Variants in ARMC9 observed in about 807,000 individuals in gnomAD.
ARMC9 encodes the protein armadillo repeat containing 9, also known as lisH domain-containing protein ARMC9.
ARMC9 carries 94 observed loss-of-function variants against 107.0 expected under a neutral mutation model. That is an observed-to-expected ratio of 0.88 (90% confidence interval 0.74 to 1.04). ARMC9 has a LOEUF of 1.04. Among genes scored for constraint, ARMC9 ranks in the 50% least tolerant of loss-of-function variants. The pLI, the probability that ARMC9 is intolerant of heterozygous loss-of-function variation, is 0.00. For synonymous variants in ARMC9, 380 were observed against 396.9 expected (o/e 0.96, Z 0.51); for missense variants, 942 against 1,030.1 (o/e 0.91, Z 1.17).
intron 19 of ARMC9, among the ~76,000 whole-genome samples, chr2:231,303,304 A>G (rs193012344): frequency 1.3e-5 from 2 of 152,334 alleles, no homozygotes; most frequent in East Asian, 3.9e-4. Flanking sequence ...TCATCTGTGA[A>G]TAGAGATCAT....
rs962299443 is a variant in ARMC9, at chr2:231,255,545, T to G, written c.880-1041T>G. 2.0e-5 allele frequency among the ~76,000 whole-genome samples: 3 copies of G among 151,714 alleles called. No individual in the cohort carries two copies. Among genetic ancestry groups the G allele is most frequent in the Non-Finnish European group, 4.4e-5 (3 of 67,980 alleles). On this transcript the variant is annotated intron_variant, in intron 9 of 24. Transcript: ENST00000611582. The surrounding 1 kb of genome is among the most constrained non-coding windows in gnomAD (Gnocchi z 4.7). ...ATTTTTTTTTGTTTGGTTGTTTTTG[T>G]TTTTTTTCTAAAGAAAATAAAGGAA...
intron 20 of ARMC9, among the ~76,000 whole-genome samples, chr2:231,342,955 C>T (rs1182262913): frequency 1.3e-5 from 2 of 151,864 alleles, no homozygotes; most frequent in African/African-American, 2.4e-5. Context: ...CTCTTGTTGC[C>T]CAGGCTGGAG....
chr2:231,371,020 G>T (rs1000448819), intron 24 of ARMC9: 4 of 454,844 alleles, frequency 8.8e-6, no homozygotes, highest in East Asian at 1.4e-4. Flanking sequence ...GCCAGGTTGG[G>T]ACCCCTCCCA....
chr2:231,368,898 C>T (rs1422878382), intron 23 of ARMC9, among the ~76,000 whole-genome samples: 2 of 152,178 alleles, frequency 1.3e-5, no homozygotes, highest in African/African-American at 4.8e-5. Context: ...GCTGGGATTA[C>T]AGGCATGAGC....
intron 23 of ARMC9, among the ~76,000 whole-genome samples, chr2:231,363,088 CAGGGCTGCAGGGA>C (rs1389850583): frequency 6.6e-6 from 1 of 152,078 alleles, no homozygotes; most frequent in Non-Finnish European, 1.5e-5. Flanking sequence ...TCAGGAAGTG[CAGGGCTGCAGGGA>C]GTGTGCAAGG....
chr2:231,270,339 G>A (rs548129346), intron 12 of ARMC9, among the ~76,000 whole-genome samples: 1 of 152,352 alleles, frequency 6.6e-6, no homozygotes, highest in East Asian at 1.9e-4. Context: ...CCAGCCCTGT[G>A]CTGAGAGGTG....
rs144416731 is a variant in ARMC9 at position 231,199,631 on chromosome 2, C to T, written c.-42+933C>T. 9.2e-5 allele frequency among the ~76,000 whole-genome samples: 14 copies of T among 152,310 alleles called. No homozygotes were observed. The East Asian group carries it at 1.9e-3, about 21-fold the overall frequency. On this transcript the variant is annotated intron_variant, in intron 1 of 24. Coordinates refer to ENST00000611582, the MANE Select transcript of ARMC9 (RefSeq NM_001352754.2). ...AACATTTTGCACATTGCCTGGCATA[C>T]CATATACCTTCAATAAATGATACCT...
chr2:231,292,045 G>C (rs2125473796), intron 18 of ARMC9, among the ~76,000 whole-genome samples: 1 of 151,758 alleles, frequency 6.6e-6, no homozygotes, highest in Admixed American at 6.6e-5. Flanking sequence ...GCGCATGCCT[G>C]TAGTCCCAGC....
Position 231,214,815 on chromosome 2 carries a change from G to A in ARMC9, c.178-16G>A, listed in dbSNP as rs778379892. Reference sequence around the variant, plus strand: ...AAATTTACAACGAGGTATGTAGTCTGATGTCTTCTCCACAGAAGGATCTTG... The same window carrying A: ...AAATTTACAACGAGGTATGTAGTCTAATGTCTTCTCCACAGAAGGATCTTG... On this transcript the variant is annotated splice_polypyrimidine_tract_variant and intron_variant, in intron 3 of 24. Transcript: ENST00000611582. The A allele has an allele frequency of 6.2e-6, 10 of 1,612,422 alleles. No individual in the cohort carries two copies. The highest frequency in any genetic ancestry group is 8.5e-6 in the Non-Finnish European group (10 of 1,178,826).
chr2:231,304,089 G>A (rs1228153606), intron 19 of ARMC9, among the ~76,000 whole-genome samples: 2 of 152,134 alleles, frequency 1.3e-5, no homozygotes, highest in East Asian at 1.9e-4. Context: ...AGTTAGCTGG[G>A]TGTGGTGGCG....
intron 17 of ARMC9, among the ~76,000 whole-genome samples, chr2:231,291,099 A>T (rs1393552854): frequency 1.3e-5 from 2 of 152,146 alleles, no homozygotes; most frequent in Non-Finnish European, 2.9e-5. Flanking sequence ...GACCAGTTGG[A>T]CACTTGGCCA....
At chr2:231,305,758 G>GA (rs1366562357) in intron 19 of ARMC9, among the ~76,000 whole-genome samples, 11 of 151,706 alleles carry the variant, frequency 7.3e-5, no homozygotes, top group Non-Finnish European at 1.3e-4. Flanking sequence ...TAGATTTACA[G>GA]AAAAAAAATA....
intron 9 of ARMC9, among the ~76,000 whole-genome samples, chr2:231,243,828 ATG>A (rs1378053536): frequency 6.6e-6 from 1 of 152,238 alleles, no homozygotes; most frequent in Non-Finnish European, 1.5e-5. Context: ...CAGATTTACA[ATG>A]TGTGAAGAAG....
chr2:231,356,360 A>G (rs1019292196), intron 22 of ARMC9, among the ~76,000 whole-genome samples: 6 of 152,228 alleles, frequency 3.9e-5, no homozygotes, highest in East Asian at 1.9e-4. Context: ...CTGGGATCCA[A>G]ACGCCTTTGA....
At chr2:231,222,302 C>T (rs1193764268) in intron 5 of ARMC9, among the ~76,000 whole-genome samples, 2 of 151,982 alleles carry the variant, frequency 1.3e-5, no homozygotes, top group African/African-American at 4.8e-5. Context: ...CTTATCTAGA[C>T]GAGGTTTGTG....
At chr2:231,317,527 G>GTT (rs561804646) in intron 19 of ARMC9, among the ~76,000 whole-genome samples, 1 of 143,356 alleles carries the variant, frequency 7.0e-6, no homozygotes, top group African/African-American at 2.5e-5. Context: ...TTGTTTTGGG[G>GTT]TTTTTTTTTT....
chr2:231,232,942 C>T (rs1453916653), intron 7 of ARMC9, among the ~76,000 whole-genome samples: 1 of 152,134 alleles, frequency 6.6e-6, no homozygotes, highest in Non-Finnish European at 1.5e-5. Flanking sequence ...CCTCCACCTC[C>T]TGGGTTCAAG....
intron 19 of ARMC9, among the ~76,000 whole-genome samples, chr2:231,312,247 C>T (rs115697994): frequency 0.011 from 1,717 of 152,234 alleles, 29 homozygotes; most frequent in African/African-American, 0.04. Context: ...CTCAGTTCTC[C>T]GCCACGTGAC....
intron 17 of ARMC9, among the ~76,000 whole-genome samples, chr2:231,285,307 T>G (rs150577440): frequency 1.3e-5 from 2 of 152,102 alleles, no homozygotes; most frequent in African/African-American, 4.8e-5. Context: ...AGATAGGCTG[T>G]GAGTTTTGGA....
Sources: gnomAD v4.1 joint callset for allele counts (sites outside exome capture counted in the v4.1 genomes callset) on GRCh38, gnomAD v4.1.1 for gene constraint, Gnocchi (gnomAD v3.1) non-coding constraint, MANE v1.5 for transcripts, NCBI Gene and HGNC (gene_info 2026-07-23, HGNC 2026-07-21) for gene names.